Variants in STARD7 observed in about 807,000 individuals in gnomAD.
STARD7 encodes StAR related lipid transfer domain containing 7, also known as stAR-related lipid transfer protein 7, mitochondrial.
STARD7 carries 30 observed loss-of-function variants against 45.3 expected under a neutral mutation model. That is an observed-to-expected ratio of 0.66 (90% CI 0.50 to 0.90). The LOEUF is 0.90. Among genes scored for constraint, STARD7 ranks in the 40% least tolerant of loss-of-function variants. The probability of loss-of-function intolerance (pLI) is 0.00; values close to 1 mark genes in which losing one functional copy is unlikely to be tolerated. For synonymous variants in STARD7, 199 were observed against 183.0 expected (o/e 1.09, Z -0.70); for missense variants, 495 against 491.3 (o/e 1.01, Z -0.07).
chr2:96,188,571 A>G (rs1430962368), intron 6 of STARD7, among the ~76,000 whole-genome samples: 1 of 150,794 alleles, frequency 6.6e-6, no homozygotes, highest in African/African-American at 2.4e-5. Context: ...CACTGCACCC[A>G]GCCAAGACTC....
At chr2:96,191,346 C>A (rs553351307) in intron 6 of STARD7, among the ~76,000 whole-genome samples, 1 of 152,256 alleles carries the variant, frequency 6.6e-6, no homozygotes, top group South Asian at 2.1e-4. Flanking sequence ...GGGATGGATA[C>A]AGGGGGTTCA....
At position 96,197,603 on chromosome 2, in the gene STARD7, A is replaced by G. The variant is rs76673975; in HGVS notation, c.291-2054T>C. ...AATTGATAAATTCACATACCATAAG[A>G]TTCATTCTTTTACAGTGTACAATTC... On this transcript the variant is annotated intron_variant, in intron 1 of 7. Coordinates refer to ENST00000337288, the MANE Select transcript of STARD7 (RefSeq NM_020151.4). Among the ~76,000 whole-genome samples, 290 of 152,278 alleles carry G rather than the reference A, an allele frequency of 1.9e-3. 2 individuals are homozygous for G. Among genetic ancestry groups the G allele is most frequent in the African/African-American group, 6.1e-3 (255 of 41,548 alleles).
chr2:96,203,492 G>C (rs1683337509), intron 1 of STARD7, among the ~76,000 whole-genome samples: 1 of 152,118 alleles, frequency 6.6e-6, no homozygotes, highest in South Asian at 2.1e-4. Context: ...GTTCATCTAG[G>C]GGTCCTGCCC....
At chr2:96,197,065 T>A (rs191758400) in intron 1 of STARD7, among the ~76,000 whole-genome samples, 634 of 44,276 alleles carry the variant, frequency 0.014, 10 homozygotes, top group Non-Finnish European at 0.021. Context: ...AAACTCCGTC[T>A]CAAAATAAAA....
chr2:96,190,143 T>C (rs1683102773), intron 6 of STARD7, among the ~76,000 whole-genome samples: 1 of 152,142 alleles, frequency 6.6e-6, no homozygotes, highest in Admixed American at 6.6e-5. Context: ...GAAATGTTAA[T>C]TTCCAGGTGT....
At chr2:96,196,330 T>C (rs1573942973) in intron 1 of STARD7, among the ~76,000 whole-genome samples, 1 of 152,090 alleles carries the variant, frequency 6.6e-6, no homozygotes, top group Non-Finnish European at 1.5e-5. Context: ...CCAGGCATAG[T>C]GGCACATGCC....
chr2:96,206,575 C>A (rs1004304620), intron 1 of STARD7, among the ~76,000 whole-genome samples: 1 of 151,516 alleles, frequency 6.6e-6, no homozygotes, highest in Non-Finnish European at 1.5e-5. Context: ...CCGAGGCGGG[C>A]GGATCACGAG....
chr2:96,208,378 C>T lies in STARD7; in HGVS notation c.57G>A (p.Leu19=), dbSNP rs530470515. 9.2e-6 allele frequency: 14 copies of T among 1,513,748 alleles called. No individual in the cohort carries two copies. In the East Asian group the frequency reaches 2.8e-4, roughly 30 times the overall value. 93.8% of individuals were successfully genotyped at this position (1,513,748 alleles called of 1,614,324 possible). A position where few individuals can be genotyped will look rare whatever the true frequency, so the allele number is the denominator to read the frequency against. ...GGCACTGATTGGCCAGAAGCGCCAGCAGGCCCCCGCCCCGCGTCCCCGCCA... is the reference window on the plus strand; with the variant it reads ...GGCACTGATTGGCCAGAAGCGCCAGTAGGCCCCCGCCCCGCGTCCCCGCCA... ...AWLAGTRGGG[L]LALLANQCRF... The change falls in exon 1 of 8, where the codon CTG becomes CTA. Residue 19 remains leucine, a synonymous_variant. Coordinates refer to ENST00000337288, the MANE Select transcript of STARD7 (RefSeq NM_020151.4).
chr2:96,200,079 G>A (rs62153014), intron 1 of STARD7, among the ~76,000 whole-genome samples: 21,524 of 152,060 alleles, frequency 0.14, 1,730 homozygotes, highest in South Asian at 0.24. Flanking sequence ...TCAGGACTGC[G>A]AAAAGTTGTG....
intron 3 of STARD7, 30 bp from the exon 4 acceptor site, chr2:96,193,382 C>T: frequency 7.0e-7 from 1 of 1,430,688 alleles, no homozygotes; most frequent in Non-Finnish European, 9.8e-7. Flanking sequence ...CATGAATACC[C>T]AAGAAGACCC....
In STARD7 at chr2:96,195,433, C is replaced by T. The variant is rs769017540; in HGVS notation, c.407G>A (p.Gly136Asp). Residue 136 changes from glycine (G) to aspartate (D), a missense_variant, in exon 2 of 8, where the codon GGC becomes GAC. This residue lies in a region of STARD7 where 282 missense variants were observed against 220.1 expected (regional missense o/e 1.28). Transcript: ENST00000337288. ...CACCATTTCCCAACGTTGCTCTTTGCCCTCTGAATCTTCATTCCCTTCTGT... is the reference window on the plus strand; with the variant it reads ...CACCATTTCCCAACGTTGCTCTTTGTCCTCTGAATCTTCATTCCCTTCTGT... ...AQTEGNEDSE[G>D]KEQRWEMVMD... 1 of 1,612,712 alleles carries T rather than the reference C, an allele frequency of 6.2e-7. No homozygotes were observed.
rs72937636 is a variant in STARD7, at chr2:96,206,505, T to C, written c.290+1640A>G. Among the ~76,000 whole-genome samples, 376 of 152,052 alleles carry C rather than the reference T, an allele frequency of 2.5e-3. 2 individuals carry two copies. The highest frequency in any genetic ancestry group is 8.5e-3 in the African/African-American group (353 of 41,476). On this transcript the variant is annotated intron_variant, in intron 1 of 7. Transcript: ENST00000337288. ...CAAAGTTAATGATAATTTTTCAACT[T>C]AAAAGTGGAACACGGCCGGGCGCGG... is the stretch of plus-strand genomic sequence containing the variant.
chr2:96,204,262 G>GA (rs967065847), intron 1 of STARD7, among the ~76,000 whole-genome samples: 2 of 146,250 alleles, frequency 1.4e-5, no homozygotes, highest in African/African-American at 2.5e-5. Flanking sequence ...TATGTCTTAA[G>GA]AAAAAAAAGA....
At chr2:96,202,133 G>GC (rs1558737202) in intron 1 of STARD7, among the ~76,000 whole-genome samples, 1 of 152,058 alleles carries the variant, frequency 6.6e-6, no homozygotes, top group Non-Finnish European at 1.5e-5. Context: ...GGTGAATGCA[G>GC]CCCCCCTCCC....
chr2:96,198,690 T>C (rs546083262), intron 1 of STARD7, among the ~76,000 whole-genome samples: 15 of 152,328 alleles, frequency 9.8e-5, no homozygotes, highest in Admixed American at 2.6e-4. Context: ...GCATAAAAGT[T>C]TTTAATTTTG....
At chr2:96,195,158 C>G in intron 2 of STARD7, 151 bp from the exon 3 acceptor site, 1 of 834,700 alleles carries the variant, frequency 1.2e-6, no homozygotes, top group South Asian at 1.8e-5. Flanking sequence ...CAAAGAAAGA[C>G]AAAGAGGATG....
chr2:96,188,768 C>T (rs1683076954), intron 6 of STARD7, among the ~76,000 whole-genome samples: 1 of 151,584 alleles, frequency 6.6e-6, no homozygotes. Context: ...GTGGCACACA[C>T]CAGTAATCCC....
At chr2:96,195,114 G>A (rs1448346661) in intron 2 of STARD7, 107 bp from the exon 3 acceptor site, 2 of 1,062,088 alleles carry the variant, frequency 1.9e-6, no homozygotes, top group Non-Finnish European at 2.8e-6. Context: ...GATCTTAAAG[G>A]CAGGTTCAGA....
chr2:96,203,688 C>T (rs116245915), intron 1 of STARD7, among the ~76,000 whole-genome samples: 374 of 152,274 alleles, frequency 2.5e-3, no homozygotes, highest in African/African-American at 8.7e-3. Flanking sequence ...AGGAGTCAGG[C>T]GCAGTGGCTT....
Sources: gnomAD v4.1 joint callset for allele counts (sites outside exome capture counted in the v4.1 genomes callset) on GRCh38, gnomAD v4.1.1 for gene constraint, gnomAD v4.1.1 regional missense constraint, MANE v1.5 for transcripts, NCBI Gene and HGNC (gene_info 2026-07-23, HGNC 2026-07-21) for gene names.